Variants in DPP6 observed in about 807,000 individuals in gnomAD.
The protein encoded by DPP6 is dipeptidyl peptidase like 6.
DPP6 carries 69 observed loss-of-function variants against 122.6 expected under a neutral mutation model. The ratio of observed to expected loss-of-function variants is 0.56; its 90% CI spans 0.46 to 0.69. The LOEUF is 0.69. DPP6 is among the 30% of genes least tolerant of loss of function. The pLI is 0.00. For synonymous variants in DPP6, 418 were observed against 433.1 expected, an observed-to-expected ratio of 0.97 and a Z score of 0.43; for missense variants, 928 against 1,116.9, an observed-to-expected ratio of 0.83 and a Z score of 2.41.
intron 7 of DPP6, among the ~76,000 whole-genome samples, chr7:154,673,515 G>A (rs1838697342): frequency 6.6e-6 from 1 of 152,196 alleles, no homozygotes; most frequent in Non-Finnish European, 1.5e-5. Context: ...TGGCCTGTGT[G>A]TTGTTAGTGG....
At chr7:154,819,366 G>C (rs1799620084) in intron 16 of DPP6, among the ~76,000 whole-genome samples, 1 of 152,224 alleles carries the variant, frequency 6.6e-6, no homozygotes. Flanking sequence ...AGTGAGCTGA[G>C]ATCATGCCAT....
intron 1 of DPP6, chr7:154,092,083 T>G (rs1175208950): frequency 2.6e-5 from 4 of 152,118 alleles, no homozygotes; most frequent in African/African-American, 9.7e-5. Flanking sequence ...ACCATCTGCC[T>G]ACCTGCTCTC....
At chr7:154,309,566 C>T (rs1048826808) in intron 1 of DPP6, among the ~76,000 whole-genome samples, 3 of 152,108 alleles carry the variant, frequency 2.0e-5, no homozygotes, top group Non-Finnish European at 4.4e-5. Context: ...TGTTCCTGTC[C>T]GCTGCTCTCT....
At chr7:154,676,037 C>T (rs1201159582) in intron 7 of DPP6, among the ~76,000 whole-genome samples, 4 of 152,240 alleles carry the variant, frequency 2.6e-5, no homozygotes, top group African/African-American at 7.2e-5. Context: ...TCTCCAGGGG[C>T]GGGGACATGG....
chr7:154,578,620 T>TG (rs1230044690), intron 5 of DPP6, among the ~76,000 whole-genome samples: 2 of 152,064 alleles, frequency 1.3e-5, no homozygotes, highest in Non-Finnish European at 2.9e-5. Context: ...TGAGNNCAAG[T>TG]GGTGAGTTGC....
At position 154,582,739 on chromosome 7, in the gene DPP6, T is replaced by C. The variant is rs1438757722; in HGVS notation, c.627+15823T>C. Reference sequence around the variant, plus strand: ...CCATACCCATGTCCTCCTCTGGTTCTTCCCTTCACAGTCAAATGACTAAAG... The same window carrying C: ...CCATACCCATGTCCTCCTCTGGTTCCTCCCTTCACAGTCAAATGACTAAAG... On this transcript the variant is annotated intron_variant, in intron 5 of 25. Transcript: ENST00000377770. 2.6e-5 allele frequency among the ~76,000 whole-genome samples: 4 copies of C among 152,212 alleles called. No individual in the cohort carries two copies. In the South Asian group the frequency reaches 8.3e-4, roughly 32 times the overall value.
the DPP6 span, among the ~76,000 whole-genome samples, chr7:153,844,139 G>A: frequency 1.1e-4 from 16 of 152,272 alleles, no homozygotes; most frequent in East Asian, 9.7e-4. Context: ...CACATCACCC[G>A]CTGTTGGCTC....
At chr7:154,742,051 T>C (rs757649448) in intron 8 of DPP6, among the ~76,000 whole-genome samples, 2 of 152,164 alleles carry the variant, frequency 1.3e-5, no homozygotes, top group African/African-American at 2.4e-5. Flanking sequence ...GATGAGTCAC[T>C]ATGGATTGCA....
chr7:153,922,850 G>A (rs771159992), intron 1 of DPP6, among the ~76,000 whole-genome samples: 6 of 152,210 alleles, frequency 3.9e-5, no homozygotes, highest in Admixed American at 1.3e-4. Context: ...GCACTCTGAC[G>A]TGTCTGACAT....
At chr7:154,377,106 A>G (rs921893690) in intron 1 of DPP6, among the ~76,000 whole-genome samples, 1 of 152,216 alleles carries the variant, frequency 6.6e-6, no homozygotes, top group African/African-American at 2.4e-5. Flanking sequence ...GCATGAACTC[A>G]TAATGCCCAC....
chr7:154,706,641 C>G (rs942513300), intron 7 of DPP6, among the ~76,000 whole-genome samples: 1 of 152,252 alleles, frequency 6.6e-6, no homozygotes, highest in African/African-American at 2.4e-5. Context: ...TCTCTTCAGT[C>G]AGCTAGGAAC....
chr7:153,811,833 A>T, the DPP6 span, among the ~76,000 whole-genome samples: 5,400 of 152,204 alleles, frequency 0.035, 107 homozygotes, highest in South Asian at 0.12. Flanking sequence ...GATTCTTTAC[A>T]TGAATTCTCA....
At chr7:154,323,533 G>T (rs1165781021) in intron 1 of DPP6, among the ~76,000 whole-genome samples, 2 of 152,202 alleles carry the variant, frequency 1.3e-5, no homozygotes, top group African/African-American at 4.8e-5. Context: ...ACTAACTTCT[G>T]TGGAGCACTT....
intron 7 of DPP6, among the ~76,000 whole-genome samples, chr7:154,723,432 C>A (rs1333757450): frequency 6.7e-6 from 1 of 149,474 alleles, no homozygotes; most frequent in Non-Finnish European, 1.5e-5. Flanking sequence ...TGATTTGATT[C>A]AAAAATCCAT....
chr7:154,062,330 A>T (rs1255564198), intron 1 of DPP6, among the ~76,000 whole-genome samples: 1 of 53,000 alleles, frequency 1.9e-5, no homozygotes, highest in Non-Finnish European at 3.7e-5. Flanking sequence ...CAGGAGGGGG[A>T]GGCACCCCCC....
intron 1 of DPP6, among the ~76,000 whole-genome samples, chr7:154,075,508 C>T (rs1360943299): frequency 1.3e-5 from 2 of 152,128 alleles, no homozygotes; most frequent in East Asian, 3.9e-4. Flanking sequence ...GCATTCACAG[C>T]AACCTGGACA....
chr7:154,205,515 A>G (rs148250256), intron 1 of DPP6, among the ~76,000 whole-genome samples: 228 of 152,234 alleles, frequency 1.5e-3, no homozygotes, highest in South Asian at 7.7e-3. Context: ...TATGGTTTCA[A>G]TCTTGGAGGA....
chr7:154,110,513 A>G (rs185464229), intron 1 of DPP6, among the ~76,000 whole-genome samples: 47 of 152,228 alleles, frequency 3.1e-4, no homozygotes, highest in African/African-American at 1.1e-3. Flanking sequence ...GACAGAAATC[A>G]GAGAGAAAAA....
intron 1 of DPP6, among the ~76,000 whole-genome samples, chr7:154,306,544 T>G (rs143552737): frequency 2.6e-4 from 40 of 152,274 alleles, no homozygotes; most frequent in Non-Finnish European, 2.9e-4. Flanking sequence ...GCGACCTCTT[T>G]AGAGTTCAGG....
Sources: gnomAD v4.1 joint callset for allele counts (sites outside exome capture counted in the v4.1 genomes callset) on GRCh38, gnomAD v4.1.1 for gene constraint, MANE v1.5 for transcripts, NCBI Gene and HGNC (gene_info 2026-07-23, HGNC 2026-07-21) for gene names.